CYP4A22: variants seen among roughly 807,000 people sequenced by gnomAD.
CYP4A22 encodes cytochrome P450 family 4 subfamily A member 22.
In CYP4A22, 46 loss-of-function variants were observed where a neutral mutation model predicts 56.2. The ratio of observed to expected loss-of-function variants is 0.82; its 90% confidence interval spans 0.65 to 1.05. The LOEUF is 1.05. Ranked by LOEUF, CYP4A22 falls within the 50% of genes least tolerant of loss-of-function variation. The pLI is 0.00. For missense variants in CYP4A22, 541 were observed against 645.9 expected (o/e 0.84, Z 1.76); for synonymous variants, 193 against 251.1 (o/e 0.77, Z 2.19).
At position 47,144,933 on chromosome 1, in the gene CYP4A22, T is replaced by C; in HGVS notation, c.1185T>C (p.Thr395=). 6.2e-7 allele frequency: 1 copy of C among 1,614,128 alleles called. No individual in the cohort carries two copies. Among genetic ancestry groups the C allele is most frequent in the Non-Finnish European group, 8.5e-7 (1 of 1,180,014 alleles). Residue 395 remains threonine, a synonymous_variant, in exon 9 of 12, where the codon ACT becomes ACC. Coordinates refer to ENST00000371891, the MANE Select transcript of CYP4A22 (RefSeq NM_001010969.4). ...CAGGCATTGGAAGAGAGCTCAGCAC[T>C]CCCGTCACCTTCCCTGATGGGCGCT... ...PVPGIGRELS[T]PVTFPDGRSL... is the part of the protein sequence containing the mutation.
intron 1 of CYP4A22, 136 bp from the exon 2 acceptor site, chr1:47,140,644 T>A: frequency 1.5e-6 from 2 of 1,343,382 alleles, no homozygotes; most frequent in Non-Finnish European, 2.0e-6. Context: ...AGAATCTGGA[T>A]CACAGCTCAG....
intron 1 of CYP4A22, among the ~76,000 whole-genome samples, chr1:47,140,273 A>G (rs1569797366): frequency 6.6e-6 from 1 of 152,322 alleles, no homozygotes; most frequent in Non-Finnish European, 1.5e-5. Flanking sequence ...TATGCACACA[A>G]TTTTATAGTT....
intron 6 of CYP4A22, 91 bp from the exon 7 acceptor site, chr1:47,144,266 C>T: frequency 1.3e-6 from 2 of 1,486,852 alleles, no homozygotes; most frequent in Non-Finnish European, 1.8e-6. Flanking sequence ...TGAGATCTAC[C>T]AGGCACCCAC....
rs1645041975 is a variant in CYP4A22 at position 47,143,855 on chromosome 1, C to T, written c.729C>T (p.Tyr243=). 1 of 1,614,174 alleles carries T rather than the reference C, an allele frequency of 6.2e-7. No individual in the cohort carries two copies. Among genetic ancestry groups the T allele is most frequent in the Non-Finnish European group, 8.5e-7 (1 of 1,180,018 alleles). ...CCTTTCATGAGAATGACACCATCTA[C>T]AGCCTGACCTCTGCTGGCCGCTGGA... The part of the protein sequence containing the change: ...RNAFHENDTI[Y]SLTSAGRWTH... The change falls in exon 6 of 12, where the codon TAC becomes TAT. Residue 243 remains tyrosine (Y), a synonymous_variant. Transcript: ENST00000371891.
At chr1:47,142,519 G>A (rs534576755) in intron 4 of CYP4A22, among the ~76,000 whole-genome samples, 1 of 152,320 alleles carries the variant, frequency 6.6e-6, no homozygotes, top group South Asian at 2.1e-4. Context: ...ACAAGGGACT[G>A]GAGGCATATG....
intron 11 of CYP4A22, 35 bp from the exon 12 acceptor site, chr1:47,148,567 G>A (rs1557651007): frequency 6.3e-7 from 1 of 1,575,898 alleles, no homozygotes; most frequent in Middle Eastern, 1.7e-4. Context: ...GGGGCCTGAG[G>A]ACACGTCTCA....
Position 47,142,139 on chromosome 1 carries a change from A to T in CYP4A22, c.414A>T (p.Thr138=). 1 of 1,613,876 alleles carries T rather than the reference A, an allele frequency of 6.2e-7. No homozygotes were observed. Among genetic ancestry groups the T allele is most frequent in the Non-Finnish European group, 8.5e-7 (1 of 1,179,902 alleles). ...GCTTGCTCCTGTTGAATGGGCAGACATGGTTCCAGCATCGACGGATGCTGA... is the reference window on the plus strand; with the variant it reads ...GCTTGCTCCTGTTGAATGGGCAGACTTGGTTCCAGCATCGACGGATGCTGA... ...GYGLLLLNGQ[T]WFQHRRMLTP... Residue 138 remains threonine (T), a synonymous_variant, in exon 4 of 12, where the codon ACA becomes ACT. Transcript: ENST00000371891.
rs982039925 is a variant in CYP4A22 at position 47,143,905 on chromosome 1, A to G, written c.779A>G (p.His260Arg). 1 of 1,611,524 alleles carries G rather than the reference A, an allele frequency of 6.2e-7. No homozygotes were observed. Among genetic ancestry groups the G allele is most frequent in the African/African-American group, 1.3e-5 (1 of 74,864 alleles). Residue 260 changes from histidine to arginine, a missense_variant, in exon 6 of 12, where the codon CAT becomes CGT. By Grantham distance (29) the His-to-Arg change is conservative. Transcript: ENST00000371891. ...RWTHRACQLAHQHTDQVIQLR... is the reference protein window; with the variant it reads ...RWTHRACQLARQHTDQVIQLR... ...ACACACCGCGCCTGCCAGCTGGCCC[A>G]TCAGCACACAGGTTCTGTCTCTTCC...
intron 5 of CYP4A22, 112 bp downstream of exon 5, chr1:47,143,505 A>G (rs1645037334): frequency 2.2e-5 from 33 of 1,502,464 alleles, no homozygotes; most frequent in Middle Eastern, 2.4e-4. Flanking sequence ...AGGAAGAGTC[A>G]GTCCCTGACC....
At chr1:47,145,485 T>G (rs1391842405) in intron 9 of CYP4A22, among the ~76,000 whole-genome samples, 6 of 152,232 alleles carry the variant, frequency 3.9e-5, no homozygotes, top group Non-Finnish European at 7.3e-5. Flanking sequence ...GTCTCTCTGA[T>G]ACTCAGGTAT....
At chr1:47,141,480 C>T (rs1645008455) in intron 2 of CYP4A22, 91 bp from the exon 3 acceptor site, 2 of 1,459,380 alleles carry the variant, frequency 1.4e-6, no homozygotes, top group Non-Finnish European at 1.9e-6. Flanking sequence ...GGTCAAACTG[C>T]CAACTGACAG....
intron 3 of CYP4A22, among the ~76,000 whole-genome samples, chr1:47,141,874 C>T (rs1399285192): frequency 2.6e-5 from 4 of 152,216 alleles, no homozygotes; most frequent in Non-Finnish European, 4.4e-5. Context: ...CTGCCCACAA[C>T]CCTTTTCAAC....
intron 11 of CYP4A22, among the ~76,000 whole-genome samples, chr1:47,147,762 T>C (rs976766521): frequency 1.1e-4 from 17 of 152,290 alleles, no homozygotes; most frequent in African/African-American, 3.6e-4. Flanking sequence ...AGGGCTAGGA[T>C]GTGGGCTGGA....
intron 11 of CYP4A22, chr1:47,147,429 T>C: frequency 1.0e-6 from 1 of 985,004 alleles, no homozygotes; most frequent in Non-Finnish European, 1.2e-6. Context: ...TCAAGTCCTA[T>C]GCAGCATGAT....
intron 6 of CYP4A22, 131 bp from the exon 7 acceptor site, chr1:47,144,226 C>A (rs371320432): frequency 2.4e-6 from 3 of 1,265,122 alleles, no homozygotes; most frequent in East Asian, 2.4e-5. Context: ...GCTTCCACCC[C>A]TGACCCTGCA....
At chr1:47,141,278 A>T (rs1014112400) in intron 2 of CYP4A22, among the ~76,000 whole-genome samples, 2 of 152,174 alleles carry the variant, frequency 1.3e-5, no homozygotes, top group Non-Finnish European at 1.5e-5. Flanking sequence ...GACTAGGAAA[A>T]CATCAATGTA....
intron 1 of CYP4A22, 21 bp downstream of exon 1, chr1:47,137,701 G>C (rs774321164): frequency 6.3e-7 from 1 of 1,593,564 alleles, no homozygotes; most frequent in Admixed American, 1.7e-5. Context: ...ACTCAGTGGG[G>C]GAGTGGGAGG....
intron 11 of CYP4A22, 53 bp from the exon 12 acceptor site, chr1:47,148,549 A>G: frequency 1.9e-6 from 3 of 1,550,448 alleles, no homozygotes; most frequent in East Asian, 2.3e-5. Context: ...ACCTGCTCAG[A>G]TCAGAATGGG....
chr1:47,144,013 G>A (rs1645044785), intron 6 of CYP4A22, 97 bp downstream of exon 6: 2 of 1,516,298 alleles, frequency 1.3e-6, no homozygotes, highest in East Asian at 4.6e-5. Flanking sequence ...TAATCCTGCA[G>A]AAGCCAGAAC....
Sources: gnomAD v4.1 joint callset for allele counts (sites outside exome capture counted in the v4.1 genomes callset) on GRCh38, gnomAD v4.1.1 for gene constraint, MANE v1.5 for transcripts, NCBI Gene and HGNC (gene_info 2026-07-23, HGNC 2026-07-21) for gene names.